CTF1: variants seen among roughly 807,000 people sequenced by gnomAD.
The protein encoded by CTF1 is cardiotrophin-1.
Under a neutral mutation model 10.9 loss-of-function variants are expected in CTF1, and 9 were observed. That is an observed-to-expected ratio of 0.83 (90% CI 0.50 to 1.44). The LOEUF (loss-of-function observed/expected upper bound fraction) is 1.44, where lower values mean the gene tolerates loss of function less well. CTF1 is among the 40% of genes most tolerant of loss of function. CTF1 has a pLI of 0.00. For synonymous variants in CTF1, 133 were observed against 138.8 expected, an observed-to-expected ratio of 0.96 and a Z score of 0.29; for missense variants, 259 against 275.3, an observed-to-expected ratio of 0.94 and a Z score of 0.42.
rs1373635087 is a variant in CTF1, at chr16:30,902,123, C to T, written c.190C>T (p.Pro64Ser). ...CTTCGGGCTGCCCAGCTTCTCGCCGCCGCGGCTGCCGGTGGCCGGCCTGAG... is the reference window on the plus strand; with the variant it reads ...CTTCGGGCTGCCCAGCTTCTCGCCGTCGCGGCTGCCGGTGGCCGGCCTGAG... ...DPFGLPSFSPPRLPVAGLSAP... is the reference protein window; with the variant it reads ...DPFGLPSFSPSRLPVAGLSAP... The change falls in exon 3 of 3, where the codon CCG becomes TCG. Residue 64 changes from proline (P) to serine (S), a missense_variant. Transcript: ENST00000279804. 7.1e-6 allele frequency: 10 copies of T among 1,413,292 alleles called. No individual in the cohort carries two copies. The Admixed American group carries it at 2.0e-4, about 29-fold the overall frequency. The allele number at this position is 1,413,292 out of a possible 1,614,324, so 87.5% of individuals were successfully genotyped here. A position where few individuals can be genotyped will look rare whatever the true frequency, so the allele number is the denominator to read the frequency against.
chr16:30,901,520 C>T (rs988637503), intron 2 of CTF1, among the ~76,000 whole-genome samples: 1 of 152,172 alleles, frequency 6.6e-6, no homozygotes, highest in African/African-American at 2.4e-5. Flanking sequence ...CAGGCCCTGT[C>T]TTGAACACTT....
chr16:30,898,394 C>T (rs1048173791), intron 1 of CTF1, among the ~76,000 whole-genome samples: 16 of 152,010 alleles, frequency 1.1e-4, no homozygotes, highest in East Asian at 1.9e-4. Flanking sequence ...TCAAGTGATC[C>T]GCCCGCCTCA....
intron 1 of CTF1, among the ~76,000 whole-genome samples, chr16:30,897,682 T>C (rs1431165482): frequency 2.0e-5 from 3 of 152,070 alleles, no homozygotes; most frequent in Non-Finnish European, 4.4e-5. Flanking sequence ...GGCGAAACCC[T>C]GTCTCTACAA....
In CTF1 at chr16:30,902,186, G is replaced by T; in HGVS notation, c.253G>T (p.Glu85Ter). Residue 85 changes from glutamate to a stop codon, truncating the protein, a stop_gained, in exon 3 of 3, where the codon GAG becomes TAG. Coordinates refer to ENST00000279804, the MANE Select transcript of CTF1 (RefSeq NM_001330.5). LOFTEE classifies it high-confidence loss of function. ...APSHAGLPVH[E>*]RLRLDAAALA... ...GAGCCACGCGGGGCTGCCAGTGCAC[G>T]AGCGGCTGCGGCTGGACGCGGCGGC... 11 of 1,213,866 alleles carry T rather than the reference G, an allele frequency of 9.1e-6. No homozygotes were observed. Among genetic ancestry groups the T allele is most frequent in the Non-Finnish European group, 1.0e-5 (10 of 977,766 alleles). The allele number at this position is 1,213,866 out of a possible 1,614,324, so 75.2% of individuals were successfully genotyped here.
Position 30,899,500 on chromosome 16 carries a change from C to T in CTF1, c.111C>T (p.Leu37=), listed in dbSNP as rs192184071. 3 of 1,612,448 alleles carry T rather than the reference C, an allele frequency of 1.9e-6. No individual in the cohort carries two copies. The highest frequency in any genetic ancestry group is 2.7e-5 in the African/African-American group (2 of 74,770). The change falls in exon 2 of 3, where the codon CTC becomes CTT. Residue 37 remains leucine, a synonymous_variant. Coordinates refer to ENST00000279804, the MANE Select transcript of CTF1 (RefSeq NM_001330.5). ...AGACACACAGCCTTGCGCACCTCCT[C>T]ACCAAATACGCTGAGCAGCTGCTCC... ...IRQTHSLAHL[L]TKYAEQLLQE...
At chr16:30,900,614 TAAAAG>T (rs918606644) in intron 2 of CTF1, among the ~76,000 whole-genome samples, 3 of 151,328 alleles carry the variant, frequency 2.0e-5, no homozygotes, top group South Asian at 2.1e-4. Flanking sequence ...AAGAAAAGAA[TAAAAG>T]AAAAGAAAAT....
chr16:30,902,699 G>A lies in CTF1; in HGVS notation c.*160G>A. On this transcript the variant is annotated 3_prime_UTR_variant, in exon 3 of 3. Coordinates refer to ENST00000279804, the MANE Select transcript of CTF1 (RefSeq NM_001330.5). ...TTTGTGGGGGAGAGGGGAGGGGACG[G>A]GCAGGGTCTCTGTCGCCCAGGCTGG... The A allele has an allele frequency of 8.7e-7, 1 of 1,152,868 alleles. No individual in the cohort carries two copies. The highest frequency in any genetic ancestry group is 4.1e-5 in the Admixed American group (1 of 24,510). 71.4% of individuals were successfully genotyped at this position (1,152,868 alleles called of 1,614,324 possible).
intron 2 of CTF1, 24 bp from the exon 3 acceptor site, chr16:30,902,054 G>A (rs2055404774): frequency 1.4e-6 from 2 of 1,442,576 alleles, no homozygotes; most frequent in Non-Finnish European, 1.8e-6. Context: ...GGGCCCCGCT[G>A]ACCCGCCGGC....
intron 2 of CTF1, 127 bp downstream of exon 2, chr16:30,899,660 C>T: frequency 1.6e-6 from 1 of 641,950 alleles, no homozygotes; most frequent in South Asian, 1.9e-5. Flanking sequence ...CTGAGAGGGA[C>T]AGCAACTTGC....
intron 1 of CTF1, among the ~76,000 whole-genome samples, chr16:30,898,267 T>C (rs2143229491): frequency 6.6e-6 from 1 of 151,920 alleles, no homozygotes; most frequent in South Asian, 2.1e-4. Context: ...GTTCAAGCGA[T>C]TCTCATGCCT....
chr16:30,900,656 G>A (rs1426366289), intron 2 of CTF1, among the ~76,000 whole-genome samples: 2 of 152,118 alleles, frequency 1.3e-5, no homozygotes, highest in East Asian at 3.8e-4. Flanking sequence ...AAATAGCCAG[G>A]CGTGGTGGTG....
intron 2 of CTF1, among the ~76,000 whole-genome samples, chr16:30,901,791 C>G (rs1008741863): frequency 2.1e-5 from 3 of 145,504 alleles, no homozygotes; most frequent in Admixed American, 6.9e-5. Context: ...GCTGTGTTGC[C>G]TAGGCTGGTC....
At chr16:30,896,754 C>G in intron 1 of CTF1, 86 bp downstream of exon 1, 1 of 1,189,668 alleles carries the variant, frequency 8.4e-7, no homozygotes, top group Non-Finnish European at 1.1e-6. Context: ...GTTTCCGCCA[C>G]CCCCGGGTCC....
rs531252771 is a variant in CTF1, at chr16:30,902,926, T to G, written c.*387T>G. 2.9e-3 allele frequency: 472 copies of G among 160,932 alleles called. 1 individual carries two copies. The highest frequency in any genetic ancestry group is 0.011 in the African/African-American group (462 of 41,766). The allele number at this position is 160,932 out of a possible 1,614,324, so 10.0% of individuals were successfully genotyped here. A position where few individuals can be genotyped will look rare whatever the true frequency, so the allele number is the denominator to read the frequency against. The stretch of plus-strand genomic sequence containing the variant: ...TCCGGGGCTCAAGCGATCCTCCCGC[T>G]TCAGCCTCCCTAAGTGCTGGGATTG... On this transcript the variant is annotated 3_prime_UTR_variant, in exon 3 of 3. Transcript: ENST00000279804.
At chr16:30,900,193 G>C (rs1191918249) in intron 2 of CTF1, among the ~76,000 whole-genome samples, 1 of 152,220 alleles carries the variant, frequency 6.6e-6, no homozygotes, top group Non-Finnish European at 1.5e-5. Context: ...ATTCAGGGAA[G>C]CCAAGAAGAG....
chr16:30,902,194 G>C lies in CTF1; in HGVS notation c.261G>C (p.Leu87=). ...SHAGLPVHER[L]RLDAAALAAL... The stretch of plus-strand genomic sequence containing the variant: ...CGGGGCTGCCAGTGCACGAGCGGCT[G>C]CGGCTGGACGCGGCGGCGCTGGCCG... Residue 87 remains leucine, a synonymous_variant, in exon 3 of 3, where the codon CTG becomes CTC. Coordinates refer to ENST00000279804, the MANE Select transcript of CTF1 (RefSeq NM_001330.5). 2 of 1,189,258 alleles carry C rather than the reference G, an allele frequency of 1.7e-6. No homozygotes were observed. The highest frequency in any genetic ancestry group is 8.0e-5 in the South Asian group (2 of 25,082). The allele number at this position is 1,189,258 out of a possible 1,614,324, so 73.7% of individuals were successfully genotyped here.
chr16:30,899,830 C>T (rs771566245), intron 2 of CTF1, among the ~76,000 whole-genome samples: 11 of 152,196 alleles, frequency 7.2e-5, no homozygotes, highest in Non-Finnish European at 1.2e-4. Flanking sequence ...TGGCTCATTG[C>T]AGCCTCAACC....
At chr16:30,896,570 G>GC, upstream of CTF1, 1 of 1,228,892 alleles carries the variant, frequency 8.1e-7, no homozygotes, top group Non-Finnish European at 1.0e-6. Flanking sequence ...CCCGGGCCAC[G>GC]CCCCCAGCCC....
chr16:30,896,675 G>T lies in CTF1; in HGVS notation c.25+7G>T. On this transcript the variant is annotated splice_region_variant and intron_variant, in intron 1 of 2. Coordinates refer to ENST00000279804, the MANE Select transcript of CTF1 (RefSeq NM_001330.5). The stretch of plus-strand genomic sequence containing the variant: ...CGGAGGGAGGGAAGTCTGGGTAAGG[G>T]GCTGAGGGACCGGACGCCGGGTCGC... 8.0e-7 allele frequency: 1 copy of T among 1,253,244 alleles called. No homozygotes were observed. Among genetic ancestry groups the T allele is most frequent in the Non-Finnish European group, 1.0e-6 (1 of 990,334 alleles). The allele number at this position is 1,253,244 out of a possible 1,614,324, so 77.6% of individuals were successfully genotyped here.
Sources: gnomAD v4.1 joint callset for allele counts (sites outside exome capture counted in the v4.1 genomes callset) on GRCh38, gnomAD v4.1.1 for gene constraint, MANE v1.5 for transcripts, NCBI Gene and HGNC (gene_info 2026-07-23, HGNC 2026-07-21) for gene names.